The following LAMC3 variants were observed in gnomAD, a reference collection of about 807,000 sequenced individuals.
LAMC3 encodes laminin subunit gamma 3, also known as laminin subunit gamma-3.
In LAMC3, 128 loss-of-function variants were observed where a neutral mutation model predicts 173.8. The ratio of observed to expected loss-of-function variants is 0.74; its 90% CI spans 0.64 to 0.85. The LOEUF (loss-of-function observed/expected upper bound fraction) is 0.85. LAMC3 is among the 40% of genes least tolerant of loss of function. LAMC3 has a pLI of 0.00. For synonymous variants in LAMC3, 897 were observed against 909.1 expected (o/e 0.99, Z 0.24); for missense variants, 2,022 against 2,156.0 (o/e 0.94, Z 1.23).
chr9:131,013,084 T>C (rs1170307236), intron 1 of LAMC3, among the ~76,000 whole-genome samples: 1 of 152,198 alleles, frequency 6.6e-6, no homozygotes, highest in Non-Finnish European at 1.5e-5. Context: ...GCTCTCACCG[T>C]GTACCAAGGA....
chr9:131,069,556 A>G, intron 16 of LAMC3, 116 bp from the exon 17 acceptor site: 2 of 964,716 alleles, frequency 2.1e-6, no homozygotes, highest in South Asian at 1.6e-5. Context: ...GATGCTGCCT[A>G]GGGCATTCTG....
At chr9:131,058,433 G>A (rs1479457702) in intron 12 of LAMC3, among the ~76,000 whole-genome samples, 1 of 149,832 alleles carries the variant, frequency 6.7e-6, no homozygotes, top group African/African-American at 2.4e-5. Context: ...CACTTTTATA[G>A]GAGCAGACCT....
chr9:131,012,048 A>AACACACACACACACACACACAC (rs3837236), intron 1 of LAMC3, among the ~76,000 whole-genome samples: 35 of 138,130 alleles, frequency 2.5e-4, no homozygotes, highest in African/African-American at 8.8e-4. Flanking sequence ...GTAGAGAGCG[A>AACACACACACACACACACACAC]ACACACACAC....
intron 12 of LAMC3, among the ~76,000 whole-genome samples, chr9:131,059,327 C>T (rs1406672180): frequency 6.6e-5 from 10 of 151,652 alleles, no homozygotes; most frequent in Admixed American, 5.9e-4. Flanking sequence ...CCCATCTCTA[C>T]TAAAAATACA....
At chr9:131,051,015 G>A (rs536591398) in intron 9 of LAMC3, among the ~76,000 whole-genome samples, 6 of 152,296 alleles carry the variant, frequency 3.9e-5, no homozygotes, top group South Asian at 4.1e-4. Flanking sequence ...GGGGCTCCCC[G>A]CTTCAGGCCG....
intron 3 of LAMC3, among the ~76,000 whole-genome samples, chr9:131,032,617 T>TCA (rs1564368536): frequency 1.4e-5 from 2 of 147,154 alleles, no homozygotes; most frequent in African/African-American, 5.0e-5. Context: ...TCTCTCTCTC[T>TCA]CTCTCTCACT....
rs1248720458 is a variant in LAMC3, at chr9:131,052,594, A to G, written c.1734A>G (p.Glu578=). 1 of 1,614,036 alleles carries G rather than the reference A, an allele frequency of 6.2e-7. No homozygotes were observed. The highest frequency in any genetic ancestry group is 8.5e-7 in the Non-Finnish European group (1 of 1,179,954). ...CACTCCCTGTACAGCTGAGGCTGGA[A>G]GGGACAGGCTTGGCCCTGTCCCTGA... ...DSPLPVQLRL[E]GTGLALSLRH... is the part of the protein sequence containing the mutation. Residue 578 remains glutamate, a synonymous_variant, in exon 10 of 28, where the codon GAA becomes GAG. Transcript: ENST00000361069.
At chr9:131,061,429 C>A (rs758355744) in intron 13 of LAMC3, among the ~76,000 whole-genome samples, 1 of 152,222 alleles carries the variant, frequency 6.6e-6, no homozygotes, top group Non-Finnish European at 1.5e-5. Context: ...ACATTGCCAG[C>A]AGAATTTGGG....
rs758872161 is a variant in LAMC3, at chr9:131,039,223, C to T, written c.1258C>T (p.His420Tyr). The T allele has an allele frequency of 3.1e-6, 5 of 1,606,392 alleles. No homozygotes were observed. The African/African-American group carries it at 4.0e-5, about 13-fold the overall frequency. ...WKCDRCLPGF[H>Y]SLSEGGCRPC... ...GTGTGACCGCTGTCTGCCCGGGTTC[C>T]ACTCGCTCAGTGAGGGAGGCTGCAG... Residue 420 changes from histidine to tyrosine, a missense_variant, in exon 6 of 28, where the codon CAC becomes TAC. Transcript: ENST00000361069.
Position 131,061,028 on chromosome 9 carries a change from C to T in LAMC3, c.2159-7C>T, listed in dbSNP as rs758032601. 11 of 1,613,966 alleles carry T rather than the reference C, an allele frequency of 6.8e-6. No individual in the cohort carries two copies. In the South Asian group the frequency reaches 9.9e-5, roughly 15 times the overall value. ...GTTCAGACAGTGGTGCTTGTCTTGC[C>T]CCTCAGGGATCTGTGTCTGCAGCCA... On this transcript the variant is annotated splice_region_variant and splice_polypyrimidine_tract_variant and intron_variant, in intron 12 of 27. Coordinates refer to ENST00000361069, the MANE Select transcript of LAMC3 (RefSeq NM_006059.4).
Position 131,091,982 on chromosome 9 carries a change from C to T in LAMC3, c.*195C>T, listed in dbSNP as rs1468659080. ...CTGCCAGCAGGACTGAGTGTGCGTA[C>T]CCAGTTCACCTGGACATGAGTGCAC... On this transcript the variant is annotated 3_prime_UTR_variant, in exon 28 of 28. Coordinates refer to ENST00000361069, the MANE Select transcript of LAMC3 (RefSeq NM_006059.4). The T allele has an allele frequency of 3.0e-6, 2 of 659,850 alleles. No individual in the cohort carries two copies. The highest frequency in any genetic ancestry group is 5.5e-5 in the East Asian group (2 of 36,448). 40.9% of individuals were successfully genotyped at this position (659,850 alleles called of 1,614,324 possible). A position where few individuals can be genotyped will look rare whatever the true frequency, so the allele number is the denominator to read the frequency against.
In LAMC3 at chr9:131,036,277, C is replaced by G; in HGVS notation, c.921C>G (p.Phe307Leu). The G allele has an allele frequency of 3.1e-6, 5 of 1,613,360 alleles. No individual in the cohort carries two copies. The highest frequency in any genetic ancestry group is 4.2e-6 in the Non-Finnish European group (5 of 1,179,920). Residue 307 changes from phenylalanine (F) to leucine (L), a missense_variant, in exon 4 of 28, where the codon TTC (phenylalanine) becomes TTG (leucine). Phe to Leu is a conservative substitution (Grantham distance 22, BLOSUM62 0). Coordinates refer to ENST00000361069, the MANE Select transcript of LAMC3 (RefSeq NM_006059.4). ...CAGACTGTGAGCGCTGCCTGCCCTT[C>G]TTCCAGGACCGCCCGTGGGCCCGGG... ...TGTDCERCLP[F>L]FQDRPWARGT... is the part of the protein sequence containing the mutation.
chr9:131,071,746 A>C (rs185910549), intron 18 of LAMC3, 121 bp downstream of exon 18: 3 of 990,216 alleles, frequency 3.0e-6, no homozygotes, highest in East Asian at 5.3e-5. Flanking sequence ...ATGGGCCTTT[A>C]CTTCCCTAGC....
At chr9:131,048,530 G>A (rs1005966700) in intron 8 of LAMC3, among the ~76,000 whole-genome samples, 4 of 152,078 alleles carry the variant, frequency 2.6e-5, no homozygotes, top group African/African-American at 9.7e-5. Flanking sequence ...AAGGTCACTC[G>A]CTGTGTGCTG....
chr9:131,065,932 A>C (rs577524934), intron 13 of LAMC3, among the ~76,000 whole-genome samples: 1 of 151,866 alleles, frequency 6.6e-6, no homozygotes, highest in East Asian at 1.9e-4. Flanking sequence ...GATGAAGGTC[A>C]GGCACAGTGG....
At chr9:131,040,985 A>AT (rs1284263687) in intron 6 of LAMC3, among the ~76,000 whole-genome samples, 1 of 152,168 alleles carries the variant, frequency 6.6e-6, no homozygotes, top group Non-Finnish European at 1.5e-5. Context: ...AGATGCATGG[A>AT]TGGGTGAATG....
At chr9:131,078,132 A>G (rs1830168095) in intron 22 of LAMC3, among the ~76,000 whole-genome samples, 1 of 152,174 alleles carries the variant, frequency 6.6e-6, no homozygotes, top group South Asian at 2.1e-4. Context: ...TCACCTCTGC[A>G]TGAACCGGGT....
chr9:131,044,626 AAGTC>A (rs767174744), intron 7 of LAMC3, among the ~76,000 whole-genome samples: 1 of 152,214 alleles, frequency 6.6e-6, no homozygotes, highest in African/African-American at 2.4e-5. Flanking sequence ...CAGGTGATGA[AAGTC>A]AGCATCGCTT....
At chr9:131,034,809 C>T (rs964264560) in intron 3 of LAMC3, among the ~76,000 whole-genome samples, 1 of 152,224 alleles carries the variant, frequency 6.6e-6, no homozygotes, top group African/African-American at 2.4e-5. Flanking sequence ...CGCGGGCTCC[C>T]AGGGCACCCC....
Sources: gnomAD v4.1 joint callset for allele counts (sites outside exome capture counted in the v4.1 genomes callset) on GRCh38, gnomAD v4.1.1 for gene constraint, MANE v1.5 for transcripts, NCBI Gene and HGNC (gene_info 2026-07-23, HGNC 2026-07-21) for gene names.